Variants in SPATS2 observed in about 807,000 individuals in gnomAD.
SPATS2 encodes spermatogenesis-associated serine-rich protein 2.
SPATS2 carries 38 observed loss-of-function variants against 63.7 expected under a neutral mutation model. The ratio of observed to expected loss-of-function variants is 0.60; its 90% CI spans 0.46 to 0.78. SPATS2 has a LOEUF of 0.78. Ranked by LOEUF, SPATS2 falls within the 30% of genes least tolerant of loss-of-function variation. The pLI, the probability that SPATS2 is intolerant of heterozygous loss-of-function variation, is 0.00. For synonymous variants in SPATS2, 207 were observed against 232.9 expected, an observed-to-expected ratio of 0.89 and a Z score of 1.01; for missense variants, 588 against 666.2, an observed-to-expected ratio of 0.88 and a Z score of 1.29.
At chr12:49,385,457 A>G (rs1944298665) in intron 2 of SPATS2, among the ~76,000 whole-genome samples, 1 of 151,816 alleles carries the variant, frequency 6.6e-6, no homozygotes, top group Admixed American at 6.6e-5. Context: ...TGAGAAACTA[A>G]TATTTGAGGA....
chr12:49,395,887 C>T (rs1023308449), intron 2 of SPATS2, among the ~76,000 whole-genome samples: 2 of 152,176 alleles, frequency 1.3e-5, no homozygotes, highest in African/African-American at 4.8e-5. Flanking sequence ...AAACTTTATA[C>T]CCACTGAATA....
At chr12:49,449,334 G>A (rs1196699236) in intron 2 of SPATS2, among the ~76,000 whole-genome samples, 1 of 152,138 alleles carries the variant, frequency 6.6e-6, no homozygotes, top group East Asian at 1.9e-4. Flanking sequence ...TCCTGCCTCA[G>A]CCTCCTGAGT....
Position 49,460,986 on chromosome 12 carries a change from A to G in SPATS2, c.-27A>G, listed in dbSNP as rs1158332436. Reference sequence around the variant, plus strand: ...CAAGGCAAAAGGATACTTTTCTTGTATATTTTTTGAGATCGAAGAAACGAC... The same window carrying G: ...CAAGGCAAAAGGATACTTTTCTTGTGTATTTTTTGAGATCGAAGAAACGAC... On this transcript the variant is annotated 5_prime_UTR_variant, in exon 3 of 14. Coordinates refer to ENST00000552918, the MANE Select transcript of SPATS2 (RefSeq NM_023071.4). 1.9e-6 allele frequency: 3 copies of G among 1,613,412 alleles called. No individual in the cohort carries two copies. The highest frequency in any genetic ancestry group is 1.1e-5 in the South Asian group (1 of 90,950).
intron 10 of SPATS2, among the ~76,000 whole-genome samples, chr12:49,516,166 AATATATATATATATATATATATATAT>A (rs869230532): frequency 2.6e-4 from 8 of 30,824 alleles, no homozygotes; most frequent in East Asian, 1.2e-3. Context: ...AAAAAAAAAA[AATATATATATATATATATATATATAT>A]ATATATATAT....
chr12:49,432,345 G>A (rs760160444), intron 2 of SPATS2, among the ~76,000 whole-genome samples: 10 of 152,180 alleles, frequency 6.6e-5, no homozygotes, highest in South Asian at 6.2e-4. Flanking sequence ...GGTGGCAGGC[G>A]CCTGTAGTCC....
At chr12:49,495,090 T>C (rs968044096) in intron 7 of SPATS2, 88 bp downstream of exon 7, 8 of 1,355,232 alleles carry the variant, frequency 5.9e-6, no homozygotes, top group Non-Finnish European at 7.8e-6. Context: ...TAAATCTAGT[T>C]AGTCTTTTTT....
At chr12:49,447,342 G>T (rs749216728) in intron 2 of SPATS2, among the ~76,000 whole-genome samples, 7 of 151,958 alleles carry the variant, frequency 4.6e-5, no homozygotes, top group Non-Finnish European at 5.9e-5. Flanking sequence ...GGGTTCAAGC[G>T]ATTCTCTTGC....
intron 10 of SPATS2, among the ~76,000 whole-genome samples, chr12:49,514,863 C>T (rs756164834): frequency 6.6e-6 from 1 of 152,160 alleles, no homozygotes; most frequent in Non-Finnish European, 1.5e-5. Context: ...GACTGCATCA[C>T]GGTATCTGCC....
intron 2 of SPATS2, among the ~76,000 whole-genome samples, chr12:49,398,894 A>G (rs574812469): frequency 7.2e-5 from 11 of 152,250 alleles, no homozygotes; most frequent in South Asian, 4.1e-4. Context: ...GAAAAGGTCT[A>G]TTTCTGTACT....
At chr12:49,498,442 T>C (rs1304804085) in intron 8 of SPATS2, among the ~76,000 whole-genome samples, 1 of 152,122 alleles carries the variant, frequency 6.6e-6, no homozygotes, top group Non-Finnish European at 1.5e-5. Context: ...TATACAGTGC[T>C]TTGAAGTGTA....
chr12:49,431,310 G>A (rs771662876), intron 2 of SPATS2, among the ~76,000 whole-genome samples: 11 of 151,892 alleles, frequency 7.2e-5, no homozygotes, highest in Admixed American at 1.3e-4. Flanking sequence ...GTGCAGTGGC[G>A]CGATCTTGGC....
chr12:49,501,713 G>C (rs11169049), intron 9 of SPATS2, among the ~76,000 whole-genome samples: 50,018 of 151,938 alleles, frequency 0.33, 12,052 homozygotes, highest in African/African-American at 0.68. Context: ...CTCCCAGGTT[G>C]CAGCCATTCT....
chr12:49,443,980 A>C (rs1945468123), intron 2 of SPATS2, among the ~76,000 whole-genome samples: 1 of 152,212 alleles, frequency 6.6e-6, no homozygotes, highest in Non-Finnish European at 1.5e-5. Flanking sequence ...TTTCCATATA[A>C]ATTTTATGAT....
chr12:49,460,255 A>G (rs1370893670), intron 2 of SPATS2, among the ~76,000 whole-genome samples: 1 of 152,186 alleles, frequency 6.6e-6, no homozygotes, highest in Admixed American at 6.5e-5. Context: ...AGAGATAGAG[A>G]CTATCCTGGT....
At chr12:49,516,790 A>G (rs1946859220) in intron 10 of SPATS2, among the ~76,000 whole-genome samples, 1 of 152,100 alleles carries the variant, frequency 6.6e-6, no homozygotes, top group African/African-American at 2.4e-5. Flanking sequence ...GCTTCAACCA[A>G]TTATCAATTT....
At chr12:49,378,122 G>C (rs542047163) in intron 2 of SPATS2, among the ~76,000 whole-genome samples, 1 of 151,946 alleles carries the variant, frequency 6.6e-6, no homozygotes, top group Non-Finnish European at 1.5e-5. Flanking sequence ...ATAGGTGCTC[G>C]CCACCATGCC....
At chr12:49,495,023 T>C (rs1946442326) in intron 7 of SPATS2, 21 bp downstream of exon 7, 2 of 1,519,130 alleles carry the variant, frequency 1.3e-6, no homozygotes, top group Admixed American at 2.2e-5. Context: ...TAACAGATTT[T>C]GAAAAAGTTG....
At position 49,500,133 on chromosome 12, in the gene SPATS2, G is replaced by A. The variant is rs769173005; in HGVS notation, c.767G>A (p.Arg256Gln). The change falls in exon 9 of 14, where the codon CGA becomes CAA. Residue 256 changes from arginine to glutamine, a missense_variant. Transcript: ENST00000552918. ...TGCACAGTGTCTCTTGCACGGTATC[G>A]AGTTGTAGTTAAAGAAGAGATGGAT... ...QRCTVSLARY[R>Q]VVVKEEMDAS... 9 of 1,611,280 alleles carry A rather than the reference G, an allele frequency of 5.6e-6. No homozygotes were observed. Among genetic ancestry groups the A allele is most frequent in the East Asian group, 2.2e-5 (1 of 44,680 alleles).
intron 3 of SPATS2, among the ~76,000 whole-genome samples, chr12:49,479,293 G>T (rs189762596): frequency 6.6e-6 from 1 of 152,342 alleles, no homozygotes; most frequent in African/African-American, 2.4e-5. Flanking sequence ...TGACAGTGGG[G>T]CCTAACCAGG....
Sources: gnomAD v4.1 joint callset for allele counts (sites outside exome capture counted in the v4.1 genomes callset) on GRCh38, gnomAD v4.1.1 for gene constraint, MANE v1.5 for transcripts, NCBI Gene and HGNC (gene_info 2026-07-23, HGNC 2026-07-21) for gene names.